Variants in KCNK16 observed in about 807,000 individuals in gnomAD.
The protein encoded by KCNK16 is potassium two pore domain channel subfamily K member 16.
In KCNK16, 23 loss-of-function variants were observed where a neutral mutation model predicts 23.0. That is an observed-to-expected ratio of 1.00 (90% CI 0.72 to 1.41). The LOEUF is 1.41. Ranked by LOEUF, KCNK16 falls within the 40% of genes most tolerant of loss-of-function variation. The pLI is 0.00. For synonymous variants in KCNK16, 145 were observed against 153.5 expected (o/e 0.94, Z 0.41); for missense variants, 327 against 365.8 (o/e 0.89, Z 0.87).
downstream of KCNK16, chr6:39,315,411 T>C: frequency 6.5e-7 from 1 of 1,550,208 alleles, no homozygotes; most frequent in South Asian, 1.2e-5. Flanking sequence ...CCAGAGGGAG[T>C]GATGAAGTTA....
chr6:39,318,313 C>A (rs1045469493), intron 2 of KCNK16, among the ~76,000 whole-genome samples: 2 of 152,096 alleles, frequency 1.3e-5, no homozygotes, highest in Admixed American at 6.6e-5. Flanking sequence ...AAGTTCCTTG[C>A]AGGCTGAGCC....
Position 39,322,609 on chromosome 6 carries a change from T to G in KCNK16, c.-69A>C, listed in dbSNP as rs1384926609. ...GGAGAGGTGGGAAACAGGTGAGGAG[T>G]AAGCACCTAGGGGCCTGTGCCCAGG... On this transcript the variant is annotated 5_prime_UTR_variant, in exon 1 of 5. Coordinates refer to ENST00000437525, the MANE Select transcript of KCNK16 (RefSeq NM_001135106.2). 2 of 1,510,552 alleles carry G rather than the reference T, an allele frequency of 1.3e-6. No homozygotes were observed. The highest frequency in any genetic ancestry group is 8.8e-7 in the Non-Finnish European group (1 of 1,133,058). The allele number at this position is 1,510,552 out of a possible 1,614,324, so 93.6% of individuals were successfully genotyped here. A position where few individuals can be genotyped will look rare whatever the true frequency, so the allele number is the denominator to read the frequency against.
downstream of KCNK16, chr6:39,316,160 G>T: frequency 6.9e-7 from 1 of 1,450,998 alleles, no homozygotes; most frequent in Non-Finnish European, 9.1e-7. Flanking sequence ...GAAATCCAGA[G>T]AGCAGATAGG....
chr6:39,316,216 G>A lies in KCNK16; in HGVS notation c.*3C>T. 6.6e-7 allele frequency: 1 copy of A among 1,519,784 alleles called. No individual in the cohort carries two copies. The highest frequency in any genetic ancestry group is 1.3e-5 in the South Asian group (1 of 79,938). 94.1% of individuals were successfully genotyped at this position (1,519,784 alleles called of 1,614,324 possible). On this transcript the variant is annotated 3_prime_UTR_variant, in exon 5 of 5. Coordinates refer to ENST00000437525, the MANE Select transcript of KCNK16 (RefSeq NM_001135106.2). ...AGGGGTTTCTGGGCCCCCCCCGGGGGCCTCATGCAGAGATGGGGATCTTCT... is the reference window on the plus strand; with the variant it reads ...AGGGGTTTCTGGGCCCCCCCCGGGGACCTCATGCAGAGATGGGGATCTTCT...
downstream of KCNK16, chr6:39,314,589 A>G: frequency 2.3e-6 from 1 of 443,668 alleles, no homozygotes; most frequent in Non-Finnish European, 4.0e-6. Flanking sequence ...GGCCAGGGAG[A>G]AGGAGGAAGC....
chr6:39,316,495 T>C, intron 4 of KCNK16, 53 bp from the exon 5 acceptor site: 1 of 1,532,490 alleles, frequency 6.5e-7, no homozygotes, highest in African/African-American at 1.4e-5. Flanking sequence ...CATAGCCACC[T>C]CCAGTTTCCA....
downstream of KCNK16, chr6:39,314,630 G>A: frequency 2.4e-6 from 1 of 424,450 alleles, no homozygotes; most frequent in East Asian, 3.6e-5. Context: ...TGAGGGAAGG[G>A]GCCCAGAGCC....
At position 39,316,195 on chromosome 6, in the gene KCNK16, G is replaced by A; in HGVS notation, c.*24C>T. 2.7e-6 allele frequency: 4 copies of A among 1,498,860 alleles called. No homozygotes were observed. Among genetic ancestry groups the A allele is most frequent in the Non-Finnish European group, 2.7e-6 (3 of 1,124,436 alleles). The allele number at this position is 1,498,860 out of a possible 1,614,324, so 92.8% of individuals were successfully genotyped here. ...GGTGGGACTGGGGAGGATGAAAGGG[G>A]TTTCTGGGCCCCCCCCGGGGGCCTC... is the stretch of plus-strand genomic sequence containing the variant. On this transcript the variant is annotated 3_prime_UTR_variant, in exon 5 of 5. Coordinates refer to ENST00000437525, the MANE Select transcript of KCNK16 (RefSeq NM_001135106.2).
At chr6:39,322,301 T>TC in intron 1 of KCNK16, 27 bp downstream of exon 1, 1 of 1,601,976 alleles carries the variant, frequency 6.2e-7, no homozygotes, top group Non-Finnish European at 8.5e-7. Context: ...AGCCTCTCCA[T>TC]CCCAATCCCA....
downstream of KCNK16, chr6:39,315,316 G>A (rs769583389): frequency 6.4e-6 from 10 of 1,554,150 alleles, no homozygotes; most frequent in Non-Finnish European, 7.8e-6. Context: ...CGTTCATGGA[G>A]CTCACTTTCT....
chr6:39,319,020 T>G lies in KCNK16; in HGVS notation c.327A>C (p.Ile109=), dbSNP rs1363486569. 2.5e-6 allele frequency: 4 copies of G among 1,608,448 alleles called. No individual in the cohort carries two copies. Among genetic ancestry groups the G allele is most frequent in the African/African-American group, 1.3e-5 (1 of 74,886 alleles). ...CTCTTCTCTACCCCAGCCCTTTACCTATGGTAGTGACGACTGTGCCTGCAA... is the reference window on the plus strand; with the variant it reads ...CTCTTCTCTACCCCAGCCCTTTACCGATGGTAGTGACGACTGTGCCTGCAA... ...FFFAGTVVTT[I]GYGNLAPSTE... is the part of the protein sequence containing the mutation. The change falls in exon 2 of 5, where the codon ATA becomes ATC. Residue 109 remains isoleucine (I), a splice_region_variant and synonymous_variant. Coordinates refer to ENST00000437525, the MANE Select transcript of KCNK16 (RefSeq NM_001135106.2). The surrounding 1 kb of genome is among the most constrained non-coding windows in gnomAD (Gnocchi z 4.2).
At chr6:39,321,608 C>T (rs943803526) in intron 1 of KCNK16, among the ~76,000 whole-genome samples, 7 of 152,188 alleles carry the variant, frequency 4.6e-5, no homozygotes, top group Non-Finnish European at 8.8e-5. Context: ...TGTTGTCACT[C>T]GCTCCAGTGC....
chr6:39,322,710 C>G, upstream of KCNK16: 4 of 1,059,566 alleles, frequency 3.8e-6, no homozygotes, highest in Non-Finnish European at 5.2e-6. Context: ...TGCGGCTCAG[C>G]TTGGCTGCAC....
At chr6:39,321,859 C>T (rs1424664423) in intron 1 of KCNK16, among the ~76,000 whole-genome samples, 2 of 152,228 alleles carry the variant, frequency 1.3e-5, no homozygotes, top group Non-Finnish European at 2.9e-5. Flanking sequence ...TTATCTGTGT[C>T]TCCCACCCGC....
chr6:39,315,130 C>T, downstream of KCNK16: 1 of 1,614,238 alleles, frequency 6.2e-7, no homozygotes, highest in Non-Finnish European at 8.5e-7. Context: ...TGCCTCAGAC[C>T]TGTGCAGAGG....
upstream of KCNK16, chr6:39,322,732 C>T: frequency 3.5e-6 from 3 of 854,628 alleles, no homozygotes; most frequent in Non-Finnish European, 5.1e-6. Flanking sequence ...AAGTGCTATG[C>T]TGTGAGTGCA....
intron 2 of KCNK16, among the ~76,000 whole-genome samples, chr6:39,318,351 A>AC (rs1762402075): frequency 6.6e-6 from 1 of 151,834 alleles, no homozygotes; most frequent in Admixed American, 6.6e-5. Context: ...TGTATCTCTC[A>AC]CCCCCAACTC....
chr6:39,315,982 C>A (rs1762292643), downstream of KCNK16, among the ~76,000 whole-genome samples: 1 of 152,176 alleles, frequency 6.6e-6, no homozygotes, highest in Admixed American at 6.5e-5. Context: ...GTGGCAGGGG[C>A]TCTGGGACAA....
chr6:39,317,898 T>C lies in KCNK16; in HGVS notation c.383A>G (p.Tyr128Cys), dbSNP rs543989361. 2 of 1,613,680 alleles carry C rather than the reference T, an allele frequency of 1.2e-6. No individual in the cohort carries two copies. Among genetic ancestry groups the C allele is most frequent in the Non-Finnish European group, 1.7e-6 (2 of 1,179,800 alleles). The change falls in exon 3 of 5, where the codon TAT (tyrosine) becomes TGT (cysteine). Residue 128 changes from tyrosine (Y) to cysteine (C), a missense_variant. Transcript: ENST00000437525. ...GTTAAGCGGGATGCCCAACAGGGCA[T>C]AGAAGACACAGAAGACCTGACCTGC... is the stretch of plus-strand genomic sequence containing the variant. Reference protein sequence around the residue: ...TEAGQVFCVFYALLGIPLNVI... With the variant: ...TEAGQVFCVFCALLGIPLNVI...
Sources: allele counts gnomAD v4.1 joint callset (sites outside exome capture counted in the v4.1 genomes callset), GRCh38; gene constraint gnomAD v4.1.1; non-coding constraint Gnocchi (gnomAD v3.1); transcripts MANE v1.5; gene names NCBI Gene and HGNC (gene_info 2026-07-23, HGNC 2026-07-21).